The following ARGFX variants were observed in gnomAD, a reference collection of about 807,000 sequenced individuals.
The protein encoded by ARGFX is arginine-fifty homeobox.
Under a neutral mutation model 8.0 loss-of-function variants are expected in ARGFX, and 10 were observed. That is an observed-to-expected ratio of 1.25 (90% confidence interval 0.77 to 2.12). The LOEUF (loss-of-function observed/expected upper bound fraction) is 2.12. Among genes scored for constraint, ARGFX ranks in the 30% most tolerant of loss-of-function variants. The probability of loss-of-function intolerance (pLI) is 0.00; values close to 1 mark genes in which losing one functional copy is unlikely to be tolerated. For missense variants in ARGFX, 282 were observed against 324.3 expected, an observed-to-expected ratio of 0.87 and a Z score of 1.00; for synonymous variants, 116 against 117.8, an observed-to-expected ratio of 0.98 and a Z score of 0.10.
intron 3 of ARGFX, among the ~76,000 whole-genome samples, chr3:121,577,773 A>C (rs894597655): frequency 3.3e-5 from 5 of 151,974 alleles, no homozygotes; most frequent in Admixed American, 6.6e-5. Context: ...TACAAACCCT[A>C]TTATAAAGTA....
chr3:121,571,082 T>C (rs2048705470), intron 2 of ARGFX, among the ~76,000 whole-genome samples: 1 of 152,164 alleles, frequency 6.6e-6, no homozygotes, highest in South Asian at 2.1e-4. Context: ...ATCTGAAACA[T>C]AGACAGATAG....
chr3:121,577,259 A>T (rs9857488), intron 3 of ARGFX, among the ~76,000 whole-genome samples: 18,158 of 56,740 alleles, frequency 0.32, 2,524 homozygotes, highest in Non-Finnish European at 0.34. Context: ...ATATATATAT[A>T]TTTTTTTTTT....
chr3:121,585,140 C>A (rs1370621206), intron 4 of ARGFX, 75 bp downstream of exon 4: 1 of 1,493,562 alleles, frequency 6.7e-7, no homozygotes, highest in Non-Finnish European at 9.1e-7. Flanking sequence ...ATTCCCCACC[C>A]TCTACCCCTG....
At chr3:121,582,908 A>G (rs60442485) in intron 3 of ARGFX, among the ~76,000 whole-genome samples, 43,769 of 151,018 alleles carry the variant, frequency 0.29, 6,673 homozygotes, top group East Asian at 0.62. Flanking sequence ...GTCTCATTAT[A>G]TTTCTCAGGC....
At chr3:121,585,144 A>T in intron 4 of ARGFX, 79 bp downstream of exon 4, 10 of 1,458,992 alleles carry the variant, frequency 6.9e-6, no homozygotes, top group Non-Finnish European at 9.3e-6. Context: ...CCCACCCTCT[A>T]CCCCTGCCCC....
chr3:121,579,843 C>T (rs895388548), intron 3 of ARGFX, among the ~76,000 whole-genome samples: 1 of 152,010 alleles, frequency 6.6e-6, no homozygotes, highest in African/African-American at 2.4e-5. Context: ...CCCGCCTTGG[C>T]ATCCCAAAGT....
At position 121,586,900 on chromosome 3, in the gene ARGFX, A is replaced by AT. The variant is rs1188167733; in HGVS notation, c.*307dup. ...GTGGTTTTGGGGGTTATCCACTTTT[A>AT]TTTTTTTGAAACTAGCTCTCATTCT... On this transcript the variant is annotated 3_prime_UTR_variant, in exon 5 of 5. Transcript: ENST00000334384. 1.3e-5 allele frequency among the ~76,000 whole-genome samples: 2 copies of AT among 151,924 alleles called. No individual in the cohort carries two copies. The highest frequency in any genetic ancestry group is 2.9e-5 in the Non-Finnish European group (2 of 67,970).
chr3:121,570,712 C>T lies in ARGFX; in HGVS notation c.-2C>T. On this transcript the variant is annotated 5_prime_UTR_variant, in exon 2 of 5. Coordinates refer to ENST00000334384, the MANE Select transcript of ARGFX (RefSeq NM_001012659.2). Reference sequence around the variant, plus strand: ...GGCCTTCCATCTCAGATTTCAGAAACCATGAGGAACAGAATGGCCCCAGAG... The same window carrying T: ...GGCCTTCCATCTCAGATTTCAGAAATCATGAGGAACAGAATGGCCCCAGAG... The T allele has an allele frequency of 3.7e-6, 6 of 1,600,434 alleles. No homozygotes were observed. The highest frequency in any genetic ancestry group is 1.3e-5 in the African/African-American group (1 of 74,268).
chr3:121,578,987 T>A (rs34909264), intron 3 of ARGFX, among the ~76,000 whole-genome samples: 67,540 of 151,864 alleles, frequency 0.44, 15,421 homozygotes, highest in East Asian at 0.7. Flanking sequence ...TGAAAAGTAC[T>A]GTTTTAAAAG....
At chr3:121,577,430 T>G (rs1420684173) in intron 3 of ARGFX, among the ~76,000 whole-genome samples, 1 of 151,296 alleles carries the variant, frequency 6.6e-6, no homozygotes, top group African/African-American at 2.4e-5. Context: ...TTTTTTGTAT[T>G]TTTAGTAGAG....
chr3:121,585,878 C>T, intron 4 of ARGFX, 144 bp from the exon 5 acceptor site: 1 of 733,480 alleles, frequency 1.4e-6, no homozygotes, highest in Non-Finnish European at 2.2e-6. Flanking sequence ...TCCAGTCATG[C>T]CCATCTCTGC....
Position 121,586,039 on chromosome 3 carries a change from G to A in ARGFX, c.387G>A (p.Arg129=), listed in dbSNP as rs759938215. The change falls in exon 5 of 5, where the codon CGG becomes CGA. Residue 129 remains arginine (R), a synonymous_variant. Coordinates refer to ENST00000334384, the MANE Select transcript of ARGFX (RefSeq NM_001012659.2). ...ACTCCCAGGTTTGGTTCAGGAACCG[G>A]CGATTCAAATTGAAGAAGCAGCAGC... ...ESTVKVWFRN[R]RFKLKKQQQQ... 22 of 1,579,902 alleles carry A rather than the reference G, an allele frequency of 1.4e-5. No homozygotes were observed. Among genetic ancestry groups the A allele is most frequent in the Non-Finnish European group, 1.9e-5 (22 of 1,164,072 alleles).
chr3:121,578,607 GAA>G (rs945014872), intron 3 of ARGFX, among the ~76,000 whole-genome samples: 3 of 151,030 alleles, frequency 2.0e-5, no homozygotes, highest in African/African-American at 7.3e-5. Flanking sequence ...TTTTAAAAAA[GAA>G]ATTGAGGTGA....
In ARGFX at chr3:121,589,663, A is replaced by C. The variant is rs1179774105; in HGVS notation, c.*3063A>C. ...AGGGCTGAGATTACAGGTGTGAGCT[A>C]CCTCACCTGGCCAAAACAGTTTTTT... On this transcript the variant is annotated 3_prime_UTR_variant, in exon 5 of 5. Transcript: ENST00000334384. 6.6e-6 allele frequency among the ~76,000 whole-genome samples: 1 copy of C among 152,126 alleles called. No individual in the cohort carries two copies. Among genetic ancestry groups the C allele is most frequent in the Non-Finnish European group, 1.5e-5 (1 of 68,022 alleles).
chr3:121,583,701 A>AT (rs1173169712), intron 3 of ARGFX, among the ~76,000 whole-genome samples: 3 of 151,328 alleles, frequency 2.0e-5, no homozygotes, highest in Non-Finnish European at 1.5e-5. Context: ...TAATTTTTTA[A>AT]TTTTTCATAG....
chr3:121,571,194 T>C (rs534351805), intron 2 of ARGFX, among the ~76,000 whole-genome samples: 47 of 152,318 alleles, frequency 3.1e-4, no homozygotes, highest in African/African-American at 1.1e-3. Context: ...CAGAGTAGTA[T>C]TGTATACATG....
intron 2 of ARGFX, among the ~76,000 whole-genome samples, chr3:121,573,379 G>A (rs768729350): frequency 6.6e-6 from 1 of 151,906 alleles, no homozygotes; most frequent in Non-Finnish European, 1.5e-5. Context: ...TACTTGGGAG[G>A]CTGCGGTGGG....
At position 121,580,980 on chromosome 3, in the gene ARGFX, T is replaced by G. The variant is rs2108837863; in HGVS notation, c.221-3937T>G. ...ACACACAAATAGATAGCAAGTTTAT[T>G]ATTATTATTTCTTTTTTGAGGCCGA... On this transcript the variant is annotated intron_variant, in intron 3 of 4. Transcript: ENST00000334384. Among the ~76,000 whole-genome samples the G allele has an allele frequency of 2.6e-5, 4 of 152,228 alleles. No homozygotes were observed. In the Middle Eastern group the frequency reaches 0.01, roughly 388 times the overall value.
chr3:121,578,665 G>A (rs1360524435), intron 3 of ARGFX, among the ~76,000 whole-genome samples: 2 of 146,810 alleles, frequency 1.4e-5, no homozygotes, highest in South Asian at 4.4e-4. Context: ...GAAAAGTATA[G>A]TTTTATCTTT....
Sources: allele counts gnomAD v4.1 joint callset (sites outside exome capture counted in the v4.1 genomes callset), GRCh38; gene constraint gnomAD v4.1.1; transcripts MANE v1.5; gene names NCBI Gene and HGNC (gene_info 2026-07-23, HGNC 2026-07-21).